Variants in KCNQ4 observed in about 807,000 individuals in gnomAD.
KCNQ4 encodes the protein potassium voltage-gated channel subfamily KQT member 4.
Under a neutral mutation model 72.6 loss-of-function variants are expected in KCNQ4, and 31 were observed. The observed-to-expected ratio is 0.43, with a 90% CI of 0.32 to 0.58. The LOEUF is 0.58. KCNQ4 is among the 20% of genes least tolerant of loss of function. The pLI, the probability that KCNQ4 is intolerant of heterozygous loss-of-function variation, is 0.08. For synonymous variants in KCNQ4, 405 were observed against 403.7 expected (o/e 1.00, Z -0.04); for missense variants, 869 against 962.6 (o/e 0.90, Z 1.29).
At chr1:40,826,758 G>T in intron 9 of KCNQ4, 3 of 434,172 alleles carry the variant, frequency 6.9e-6, no homozygotes, top group South Asian at 4.8e-5. Flanking sequence ...GGGGGCTGGA[G>T]AGGGGACAGG....
At chr1:40,818,092 C>T (rs2148317779) in intron 2 of KCNQ4, 72 bp from the exon 3 acceptor site, 2 of 1,605,958 alleles carry the variant, frequency 1.2e-6, no homozygotes, top group Non-Finnish European at 1.7e-6. Flanking sequence ...GGACTCTTGG[C>T]TGGGTCCGCG....
chr1:40,811,949 A>G (rs1413629484), intron 1 of KCNQ4, among the ~76,000 whole-genome samples: 1 of 152,210 alleles, frequency 6.6e-6, no homozygotes, highest in Non-Finnish European at 1.5e-5. Flanking sequence ...GAATCCTTAG[A>G]AAGTCCTTTG....
At chr1:40,819,552 C>T in intron 5 of KCNQ4, 80 bp downstream of exon 5, 4 of 1,582,018 alleles carry the variant, frequency 2.5e-6, no homozygotes, top group Non-Finnish European at 2.6e-6. Flanking sequence ...CATCGTGACT[C>T]CTGACTCAGG....
intron 1 of KCNQ4, among the ~76,000 whole-genome samples, chr1:40,812,559 G>T (rs76603403): frequency 6.6e-6 from 1 of 152,156 alleles, no homozygotes; most frequent in Non-Finnish European, 1.5e-5. Context: ...ACCGCGCCTC[G>T]TCCCAGGATG....
chr1:40,795,138 A>T (rs1373203118), intron 1 of KCNQ4, among the ~76,000 whole-genome samples: 1 of 151,830 alleles, frequency 6.6e-6, no homozygotes, highest in East Asian at 1.9e-4. Context: ...CAGCTTCCTT[A>T]TACATAGAAT....
chr1:40,835,492 T>C, intron 12 of KCNQ4, among the ~76,000 whole-genome samples: 1 of 152,214 alleles, frequency 6.6e-6, no homozygotes, highest in East Asian at 1.9e-4. Flanking sequence ...CACATCTCTC[T>C]GGTAGACCCA....
At chr1:40,831,708 G>A (rs1177017010) in intron 10 of KCNQ4, among the ~76,000 whole-genome samples, 1 of 152,222 alleles carries the variant, frequency 6.6e-6, no homozygotes, top group Non-Finnish European at 1.5e-5. Context: ...ATAATCCATG[G>A]AAGGTGAACA....
chr1:40,806,822 C>G (rs568931629), intron 1 of KCNQ4, among the ~76,000 whole-genome samples: 12 of 152,222 alleles, frequency 7.9e-5, no homozygotes, highest in Non-Finnish European at 1.8e-4. Context: ...TGCCAACTTT[C>G]CTCTGTGGTT....
intron 7 of KCNQ4, 117 bp from the exon 8 acceptor site, chr1:40,822,197 C>G: frequency 1.2e-6 from 1 of 853,948 alleles, no homozygotes; most frequent in Non-Finnish European, 1.9e-6. Context: ...TGGAACTGGC[C>G]TCTGGCTCTG....
chr1:40,833,719 G>T (rs919875402), intron 11 of KCNQ4, among the ~76,000 whole-genome samples: 1 of 151,284 alleles, frequency 6.6e-6, no homozygotes. Flanking sequence ...GAGTCAGGCT[G>T]GGCGTGGTGG....
intron 7 of KCNQ4, among the ~76,000 whole-genome samples, chr1:40,821,875 T>C (rs773975837): frequency 5.9e-5 from 9 of 152,192 alleles, no homozygotes; most frequent in Non-Finnish European, 1.0e-4. Context: ...GCCTACTATA[T>C]ACCAGGCACT....
At chr1:40,787,081 G>C (rs1182765052) in intron 1 of KCNQ4, among the ~76,000 whole-genome samples, 1 of 152,176 alleles carries the variant, frequency 6.6e-6, no homozygotes, top group Admixed American at 6.5e-5. Flanking sequence ...GGCCCCAGCA[G>C]AAGAGCCTGC....
At position 40,784,936 on chromosome 1, in the gene KCNQ4, G is replaced by A. The variant is rs1647187678; in HGVS notation, c.314+529G>A. Among the ~76,000 whole-genome samples the A allele has an allele frequency of 6.6e-6, 1 of 152,178 alleles. No homozygotes were observed. The highest frequency in any genetic ancestry group is 1.5e-5 in the Non-Finnish European group (1 of 68,020). ...CCCAGCTGACTGTGGGTGTGTGGGG[G>A]TCCCTGTGGGCCCCCTGGGCCCTGA... On this transcript the variant is annotated intron_variant, in intron 1 of 13. Coordinates refer to ENST00000347132, the MANE Select transcript of KCNQ4 (RefSeq NM_004700.4). This position sits in a 1 kb window ranked among gnomAD's most constrained non-coding sequence, Gnocchi z 4.1.
At chr1:40,835,778 C>G (rs1184647977) in intron 12 of KCNQ4, among the ~76,000 whole-genome samples, 1 of 152,146 alleles carries the variant, frequency 6.6e-6, no homozygotes, top group Admixed American at 6.5e-5. Context: ...AAATAAGGGT[C>G]AGGCTGTTAG....
chr1:40,820,303 G>A (rs763695461), intron 7 of KCNQ4, 43 bp downstream of exon 7: 20 of 1,481,542 alleles, frequency 1.3e-5, no homozygotes, highest in Non-Finnish European at 1.8e-5. Flanking sequence ...AGGGCCGTGT[G>A]ACTGCACTGG....
chr1:40,818,131 T>C (rs1416678462), intron 2 of KCNQ4, 33 bp from the exon 3 acceptor site: 2 of 1,613,728 alleles, frequency 1.2e-6, no homozygotes, highest in Middle Eastern at 1.6e-4. Flanking sequence ...TTCTGGAGAC[T>C]GAGGACCAGA....
At chr1:40,792,713 A>T (rs775035169) in intron 1 of KCNQ4, among the ~76,000 whole-genome samples, 6 of 152,164 alleles carry the variant, frequency 3.9e-5, no homozygotes, top group Non-Finnish European at 8.8e-5. Context: ...CCCATGGCCC[A>T]GCAGAGGAAG....
intron 1 of KCNQ4, among the ~76,000 whole-genome samples, chr1:40,789,249 T>C (rs1477813883): frequency 6.6e-6 from 1 of 152,120 alleles, no homozygotes; most frequent in East Asian, 1.9e-4. Flanking sequence ...TACTGCTGGG[T>C]ACACCAAGAC....
intron 1 of KCNQ4, among the ~76,000 whole-genome samples, chr1:40,800,770 G>C (rs1048207281): frequency 1.3e-5 from 2 of 152,228 alleles, no homozygotes; most frequent in African/African-American, 4.8e-5. Context: ...GAGTAAGCGG[G>C]TAGGAACACT....
Sources: gnomAD v4.1 joint callset for allele counts (sites outside exome capture counted in the v4.1 genomes callset) on GRCh38, gnomAD v4.1.1 for gene constraint, Gnocchi (gnomAD v3.1) non-coding constraint, MANE v1.5 for transcripts, NCBI Gene and HGNC (gene_info 2026-07-23, HGNC 2026-07-21) for gene names.